Variants in XAF1 observed in about 807,000 individuals in gnomAD.
XAF1 encodes XIAP associated factor 1.
Under a neutral mutation model 32.3 loss-of-function variants are expected in XAF1, and 32 were observed. That is an observed-to-expected ratio of 0.99 (90% confidence interval 0.75 to 1.33). XAF1 has a LOEUF of 1.33. Ranked by LOEUF, XAF1 falls within the 40% of genes most tolerant of loss-of-function variation. The probability of loss-of-function intolerance (pLI) is 0.00; values close to 1 mark genes in which losing one functional copy is unlikely to be tolerated. For synonymous variants in XAF1, 120 were observed against 125.9 expected (o/e 0.95, Z 0.31); for missense variants, 379 against 366.0 (o/e 1.04, Z -0.29).
chr17:6,756,733 G>A (rs1032827258), intron 1 of XAF1, among the ~76,000 whole-genome samples: 1 of 152,186 alleles, frequency 6.6e-6, no homozygotes, highest in African/African-American at 2.4e-5. Flanking sequence ...AGAGCAGGGG[G>A]AGAAGGGGCC....
chr17:6,761,919 T>C lies in XAF1; in HGVS notation c.422-236T>C, dbSNP rs1311379657. On this transcript the variant is annotated intron_variant, in intron 4 of 6. Coordinates refer to ENST00000361842, the MANE Select transcript of XAF1 (RefSeq NM_017523.5). ...CCTGATCCAGGAAAATGTCTCTCCA[T>C]TACGGTTGCTGCTGCCCTGAGTGCA... The C allele has an allele frequency of 2.0e-6, 3 of 1,500,600 alleles. No homozygotes were observed. In the Admixed American group the frequency reaches 6.0e-5, roughly 30 times the overall value. The allele number at this position is 1,500,600 out of a possible 1,614,324, so 93.0% of individuals were successfully genotyped here.
At chr17:6,760,347 CAAAAAAA>C in intron 3 of XAF1, 52 bp from the exon 4 acceptor site, 28 of 1,044,080 alleles carry the variant, frequency 2.7e-5, no homozygotes, top group Admixed American at 6.6e-5. Context: ...GACTCTGTCT[CAAAAAAA>C]AAAAAAAAAA....
intron 2 of XAF1, 181 bp downstream of exon 2, chr17:6,758,405 T>A (rs1286009025): frequency 2.2e-6 from 2 of 904,410 alleles, no homozygotes; most frequent in African/African-American, 3.7e-5. Flanking sequence ...GGTCTGAGAG[T>A]CAAGGCGAGT....
intron 4 of XAF1, among the ~76,000 whole-genome samples, chr17:6,760,973 G>T (rs1975160356): frequency 6.6e-6 from 1 of 152,148 alleles, no homozygotes; most frequent in African/African-American, 2.4e-5. Context: ...TGACCAACAT[G>T]GAGAAACCCC....
At chr17:6,755,845 C>T (rs17525966), upstream of XAF1, 32 of 1,355,214 alleles carry the variant, frequency 2.4e-5, no homozygotes, top group East Asian at 7.0e-4. Context: ...GAGGTAGATG[C>T]GGCTGTGACA....
intron 1 of XAF1, 108 bp downstream of exon 1, chr17:6,756,218 C>A: frequency 6.5e-7 from 1 of 1,546,616 alleles, no homozygotes; most frequent in Non-Finnish European, 8.8e-7. Flanking sequence ...CATAAGAACA[C>A]TTAGGAGGAC....
chr17:6,761,010 C>T (rs996648987), intron 4 of XAF1, among the ~76,000 whole-genome samples: 5 of 152,020 alleles, frequency 3.3e-5, no homozygotes, highest in African/African-American at 7.2e-5. Flanking sequence ...CAAAATTAGC[C>T]GGGCGTGGTG....
At chr17:6,769,506 AATTT>A (rs1161091301) in intron 5 of XAF1, among the ~76,000 whole-genome samples, 1 of 152,158 alleles carries the variant, frequency 6.6e-6, no homozygotes, top group East Asian at 1.9e-4. Flanking sequence ...ATTTTTAATT[AATTT>A]ATTTTACAGT....
At position 6,775,494 on chromosome 17, in the gene XAF1, G is replaced by A. The variant is rs566397707; in HGVS notation, c.*2325G>A. 1 of 152,306 alleles carries A rather than the reference G, an allele frequency of 6.6e-6. No individual in the cohort carries two copies. The highest frequency in any genetic ancestry group is 2.4e-5 in the African/African-American group (1 of 41,560). 9.4% of individuals were successfully genotyped at this position (152,306 alleles called of 1,614,324 possible). On this transcript the variant is annotated 3_prime_UTR_variant, in exon 7 of 7. Coordinates refer to ENST00000361842, the MANE Select transcript of XAF1 (RefSeq NM_017523.5). ...CGAACAAAGACATTGGTTTGCCCAA[G>A]GACTACAAATAAACCAACGGGAAAA...
intron 2 of XAF1, chr17:6,759,408 G>T (rs912170995): frequency 4.4e-6 from 6 of 1,372,832 alleles, no homozygotes; most frequent in Non-Finnish European, 5.6e-6. Flanking sequence ...TTCCTCCTGG[G>T]GCCCCTGATC....
Position 6,770,650 on chromosome 17 carries a change from G to C in XAF1, c.515G>C (p.Cys172Ser), listed in dbSNP as rs1483183521. 49 of 1,585,458 alleles carry C rather than the reference G, an allele frequency of 3.1e-5. No individual in the cohort carries two copies. Among genetic ancestry groups the C allele is most frequent in the Non-Finnish European group, 4.2e-5 (49 of 1,170,180 alleles). Residue 172 changes from cysteine (C) to serine (S), a missense_variant, in exon 6 of 7, where the codon TGT (cysteine) becomes TCT (serine). Physicochemically the swap from Cys to Ser is moderately radical, Grantham distance 112. Coordinates refer to ENST00000361842, the MANE Select transcript of XAF1 (RefSeq NM_017523.5). ...ENKYFHHMGK[C>S]CPDSEFKKHF... ...TATTATTCACAATTGCAGGGTAAAT[G>C]TTGTCCAGACTCAGAGTTTAAGAAA...
chr17:6,765,274 G>T (rs1465827662), intron 5 of XAF1, among the ~76,000 whole-genome samples: 3 of 152,200 alleles, frequency 2.0e-5, no homozygotes, highest in Non-Finnish European at 4.4e-5. Context: ...TTAGCCGGGT[G>T]TGGTGGTGGG....
At chr17:6,765,914 T>G (rs1181101835) in intron 5 of XAF1, among the ~76,000 whole-genome samples, 1 of 152,236 alleles carries the variant, frequency 6.6e-6, no homozygotes, top group Non-Finnish European at 1.5e-5. Flanking sequence ...AAAACTACAG[T>G]GGCTTTAGAG....
chr17:6,758,352 G>A, intron 2 of XAF1, 128 bp downstream of exon 2: 1 of 1,391,808 alleles, frequency 7.2e-7, no homozygotes, highest in African/African-American at 1.5e-5. Context: ...GATGGGGTCT[G>A]GGAGTCAAGG....
chr17:6,759,978 CT>C (rs1444182903), intron 3 of XAF1: 2 of 605,528 alleles, frequency 3.3e-6, no homozygotes, highest in Non-Finnish European at 5.7e-6. Context: ...CACTCTGGCC[CT>C]TCTCATCTGC....
At chr17:6,766,070 C>T (rs150193848) in intron 5 of XAF1, among the ~76,000 whole-genome samples, 4 of 152,254 alleles carry the variant, frequency 2.6e-5, no homozygotes, top group African/African-American at 9.6e-5. Flanking sequence ...TGGCTGGAAG[C>T]TACCTCCTCA....
At chr17:6,757,755 A>G (rs1055619050) in intron 1 of XAF1, among the ~76,000 whole-genome samples, 2 of 141,056 alleles carry the variant, frequency 1.4e-5, no homozygotes, top group Non-Finnish European at 3.1e-5. Context: ...AGTTATATAC[A>G]TCCATGAAAC....
Position 6,756,118 on chromosome 17 carries a change from A to G in XAF1, c.32+8A>G, listed in dbSNP as rs555758858. ...CTCGGTGTGCAGGAACTGGTAAGAA[A>G]GTGCTTTCTCCAGCGGCAGACCCGG... On this transcript the variant is annotated splice_region_variant and intron_variant, in intron 1 of 6. Transcript: ENST00000361842. 3.7e-6 allele frequency: 6 copies of G among 1,614,074 alleles called. No individual in the cohort carries two copies. In the Admixed American group the frequency reaches 1.0e-4, roughly 27 times the overall value.
chr17:6,770,678 C>T lies in XAF1; in HGVS notation c.543C>T (p.His181=), dbSNP rs1467234813. Residue 181 remains histidine (H), a synonymous_variant, in exon 6 of 7, where the codon CAC becomes CAT. Transcript: ENST00000361842. ...KCCPDSEFKK[H]FPVGNPEILP... is the part of the protein sequence containing the mutation. ...GTCCAGACTCAGAGTTTAAGAAACA[C>T]TTTCCTGTTGGAAATCCAGAAATTC... 2.5e-6 allele frequency: 4 copies of T among 1,607,068 alleles called. No homozygotes were observed. The highest frequency in any genetic ancestry group is 2.5e-6 in the Non-Finnish European group (3 of 1,177,996).
Sources: gnomAD v4.1 joint callset for allele counts (sites outside exome capture counted in the v4.1 genomes callset) on GRCh38, gnomAD v4.1.1 for gene constraint, MANE v1.5 for transcripts, NCBI Gene and HGNC (gene_info 2026-07-23, HGNC 2026-07-21) for gene names.